Variants in ELOVL7 observed in about 807,000 individuals in gnomAD.
ELOVL7 encodes very long chain fatty acid elongase 7.
A neutral mutation model predicts 35.7 loss-of-function variants in ELOVL7; 27 were observed. The observed-to-expected ratio is 0.76, with a 90% CI of 0.56 to 1.04. The LOEUF (loss-of-function observed/expected upper bound fraction) is 1.04. Among genes scored for constraint, ELOVL7 ranks in the 50% least tolerant of loss-of-function variants. The pLI, the probability that ELOVL7 is intolerant of heterozygous loss-of-function variation, is 0.00. For missense variants in ELOVL7, 327 were observed against 340.8 expected (o/e 0.96, Z 0.32); for synonymous variants, 113 against 114.6 (o/e 0.99, Z 0.09).
At chr5:60,805,331 T>C (rs1744861095) in intron 1 of ELOVL7, among the ~76,000 whole-genome samples, 1 of 152,226 alleles carries the variant, frequency 6.6e-6, no homozygotes, top group Non-Finnish European at 1.5e-5. Context: ...CCAAAATGTT[T>C]GTTACTACAA....
chr5:60,786,390 C>T (rs140384273), intron 3 of ELOVL7, among the ~76,000 whole-genome samples: 1,903 of 152,110 alleles, frequency 0.013, 19 homozygotes, highest in Non-Finnish European at 0.019. Flanking sequence ...TAAAAATTAC[C>T]CATAATCCTA....
At chr5:60,818,644 A>G (rs1745678944) in intron 1 of ELOVL7, among the ~76,000 whole-genome samples, 1 of 152,152 alleles carries the variant, frequency 6.6e-6, no homozygotes, top group Non-Finnish European at 1.5e-5. Context: ...CTTACTAAAA[A>G]CAGATAATTC....
At chr5:60,795,179 G>A (rs1744173776) in intron 2 of ELOVL7, among the ~76,000 whole-genome samples, 1 of 152,152 alleles carries the variant, frequency 6.6e-6, no homozygotes, top group African/African-American at 2.4e-5. Context: ...GAGTCAGAAT[G>A]GGGCAGTGGG....
At chr5:60,827,262 G>A (rs1746221284) in intron 1 of ELOVL7, among the ~76,000 whole-genome samples, 1 of 152,136 alleles carries the variant, frequency 6.6e-6, no homozygotes, top group Non-Finnish European at 1.5e-5. Context: ...AGGAAAAGAT[G>A]CCAGAAAAAA....
chr5:60,790,354 G>A (rs1450847264), intron 2 of ELOVL7, among the ~76,000 whole-genome samples: 1 of 152,112 alleles, frequency 6.6e-6, no homozygotes, highest in East Asian at 1.9e-4. Flanking sequence ...GGCTCATATA[G>A]ATATTTTACC....
At chr5:60,800,172 A>G (rs1013394736) in intron 1 of ELOVL7, among the ~76,000 whole-genome samples, 9 of 152,106 alleles carry the variant, frequency 5.9e-5, no homozygotes, top group African/African-American at 2.2e-4. Flanking sequence ...AGACAAGGAC[A>G]CTACAAAAAA....
At chr5:60,797,836 G>T (rs1226048540) in intron 2 of ELOVL7, among the ~76,000 whole-genome samples, 1 of 152,248 alleles carries the variant, frequency 6.6e-6, no homozygotes, top group African/African-American at 2.4e-5. Flanking sequence ...GGAAAAAGCA[G>T]CTGGGAACTG....
intron 1 of ELOVL7, among the ~76,000 whole-genome samples, chr5:60,805,980 C>T (rs964457097): frequency 1.3e-5 from 2 of 152,180 alleles, no homozygotes; most frequent in South Asian, 4.1e-4. Flanking sequence ...AAAGTCCTAA[C>T]CTCCAGTTCT....
At position 60,756,792 on chromosome 5, in the gene ELOVL7, A is replaced by T. The variant is rs529160692; in HGVS notation, c.636+717T>A. Reference sequence around the variant, plus strand: ...TACTGGCAGAATATGACATCAATTTATTATAGACTGCAAATGTGGAAATGC... The same window carrying T: ...TACTGGCAGAATATGACATCAATTTTTTATAGACTGCAAATGTGGAAATGC... On this transcript the variant is annotated intron_variant, in intron 8 of 8. Coordinates refer to ENST00000508821, the MANE Select transcript of ELOVL7 (RefSeq NM_024930.3). Among the ~76,000 whole-genome samples the T allele has an allele frequency of 3.3e-5, 5 of 152,300 alleles. No individual in the cohort carries two copies. In the East Asian group the frequency reaches 9.6e-4, roughly 29 times the overall value.
chr5:60,825,989 T>C (rs1297813469), intron 1 of ELOVL7, among the ~76,000 whole-genome samples: 1 of 152,256 alleles, frequency 6.6e-6, no homozygotes, highest in African/African-American at 2.4e-5. Flanking sequence ...GGGGAAGGAA[T>C]GCCCAGCGGT....
chr5:60,784,220 G>C, intron 3 of ELOVL7: 1 of 1,184,494 alleles, frequency 8.4e-7, no homozygotes. Context: ...AAGCTGGAAG[G>C]AAAAGCAAAC....
At chr5:60,757,114 T>C (rs527725117) in intron 8 of ELOVL7, among the ~76,000 whole-genome samples, 5 of 152,164 alleles carry the variant, frequency 3.3e-5, no homozygotes, top group Middle Eastern at 6.8e-3. Flanking sequence ...TGGGACTATA[T>C]AGGTAAGCAC....
intron 1 of ELOVL7, among the ~76,000 whole-genome samples, chr5:60,812,954 C>T (rs1366719171): frequency 6.6e-6 from 1 of 152,162 alleles, no homozygotes; most frequent in Admixed American, 6.5e-5. Context: ...TGCTTTCTAT[C>T]TACTTGTTCC....
intron 1 of ELOVL7, among the ~76,000 whole-genome samples, chr5:60,825,313 T>C (rs1048639629): frequency 2.0e-5 from 3 of 152,172 alleles, no homozygotes; most frequent in Admixed American, 6.5e-5. Flanking sequence ...CCTCCAGATA[T>C]CTGCCACAGC....
intron 8 of ELOVL7, 68 bp downstream of exon 8, chr5:60,757,441 T>G (rs1252417507): frequency 6.7e-7 from 1 of 1,497,986 alleles, no homozygotes; most frequent in Non-Finnish European, 9.2e-7. Flanking sequence ...ACCAGTATCC[T>G]AATTCACAGT....
chr5:60,759,745 GT>G (rs1339723497), intron 7 of ELOVL7, among the ~76,000 whole-genome samples: 3 of 151,748 alleles, frequency 2.0e-5, no homozygotes, highest in Non-Finnish European at 2.9e-5. Flanking sequence ...CCATTAACTT[GT>G]CATTTAGCAT....
At position 60,807,946 on chromosome 5, in the gene ELOVL7, C is replaced by G. The variant is rs1047039460; in HGVS notation, c.-85-8716G>C. On this transcript the variant is annotated intron_variant, in intron 1 of 8. Coordinates refer to ENST00000508821, the MANE Select transcript of ELOVL7 (RefSeq NM_024930.3). ...CCCGGGAGGCAGAGGCTGCAGTGAGCCGAGATCATGCCACTGCACTCCAGC... is the reference window on the plus strand; with the variant it reads ...CCCGGGAGGCAGAGGCTGCAGTGAGGCGAGATCATGCCACTGCACTCCAGC... Among the ~76,000 whole-genome samples the G allele has an allele frequency of 5.3e-5, 7 of 132,904 alleles. No individual in the cohort carries two copies. The Admixed American group carries it at 5.4e-4, about 10-fold the overall frequency. The allele number at this position is 132,904 out of a possible 152,430, so 87.2% of individuals were successfully genotyped here.
intron 2 of ELOVL7, among the ~76,000 whole-genome samples, chr5:60,793,356 A>G (rs1744055689): frequency 6.6e-6 from 1 of 152,172 alleles, no homozygotes; most frequent in African/African-American, 2.4e-5. Context: ...AAATGGGCTC[A>G]TGAGACTGAA....
intron 1 of ELOVL7, among the ~76,000 whole-genome samples, chr5:60,805,622 G>A (rs1264839485): frequency 6.6e-6 from 1 of 152,140 alleles, no homozygotes; most frequent in Admixed American, 6.5e-5. Context: ...ACACACTATT[G>A]CATCTATTGG....
Sources: allele counts gnomAD v4.1 joint callset (sites outside exome capture counted in the v4.1 genomes callset), GRCh38; gene constraint gnomAD v4.1.1; transcripts MANE v1.5; gene names NCBI Gene and HGNC (gene_info 2026-07-23, HGNC 2026-07-21).